Variants in RANBP17 observed in about 807,000 individuals in gnomAD.
RANBP17 encodes ran-binding protein 17.
A neutral mutation model predicts 141.2 loss-of-function variants in RANBP17; 158 were observed. The ratio of observed to expected loss-of-function variants is 1.12; its 90% CI spans 0.98 to 1.28. The LOEUF (loss-of-function observed/expected upper bound fraction) is 1.28, where lower values mean the gene tolerates loss of function less well. Ranked by LOEUF, RANBP17 falls within the 50% of genes most tolerant of loss-of-function variation. The pLI is 0.00. For missense variants in RANBP17, 1,438 were observed against 1,290.7 expected (o/e 1.11, Z -1.75); for synonymous variants, 430 against 450.0 (o/e 0.96, Z 0.56).
At chr5:170,910,097 G>T in intron 6 of RANBP17, 1 of 163,150 alleles carries the variant, frequency 6.1e-6, no homozygotes, top group Non-Finnish European at 1.3e-5. Flanking sequence ...ATAGGATGCA[G>T]ATGAAAAATG....
chr5:171,093,215 C>CAAAAA (rs5873253), intron 14 of RANBP17, among the ~76,000 whole-genome samples: 1,967 of 150,218 alleles, frequency 0.013, 28 homozygotes, highest in Admixed American at 0.025. Flanking sequence ...AGTCTCCCCC[C>CAAAAA]AAAAAAAAAA....
At chr5:170,935,295 CCTT>C (rs1342248984) in intron 12 of RANBP17, among the ~76,000 whole-genome samples, 5 of 152,222 alleles carry the variant, frequency 3.3e-5, no homozygotes, top group Admixed American at 1.3e-4. Context: ...TCGTCTGAAG[CCTT>C]CTTCTCTCGA....
At chr5:170,973,826 T>C (rs532649462) in intron 14 of RANBP17, among the ~76,000 whole-genome samples, 8 of 152,178 alleles carry the variant, frequency 5.3e-5, no homozygotes, top group Admixed American at 2.0e-4. Flanking sequence ...TGGTGCCGTC[T>C]CTCTGTGTGT....
rs544688062 is a variant in RANBP17 at position 170,939,181 on chromosome 5, C to T, written c.1469-14416C>T. 5.3e-5 allele frequency among the ~76,000 whole-genome samples: 8 copies of T among 151,998 alleles called. No homozygotes were observed. The South Asian group carries it at 6.2e-4, about 12-fold the overall frequency. On this transcript the variant is annotated intron_variant, in intron 12 of 27. Transcript: ENST00000523189. ...ATTGTATATCAGCAAAAATATCTTTCGAGAAAAACGATATACAATAGAGAT... is the reference window on the plus strand; with the variant it reads ...ATTGTATATCAGCAAAAATATCTTTTGAGAAAAACGATATACAATAGAGAT...
intron 24 of RANBP17, 56 bp from the exon 25 acceptor site, chr5:171,265,625 C>G: frequency 7.0e-7 from 1 of 1,423,186 alleles, no homozygotes; most frequent in Non-Finnish European, 9.5e-7. Context: ...GTTAGAAAAT[C>G]AAATGGAGCA....
intron 18 of RANBP17, among the ~76,000 whole-genome samples, chr5:171,193,262 G>A (rs1472992918): frequency 1.3e-5 from 2 of 152,156 alleles, no homozygotes; most frequent in African/African-American, 2.4e-5. Context: ...GAAATAAATT[G>A]AATATGTCTT....
At chr5:171,170,254 T>C (rs1385000317) in intron 15 of RANBP17, 51 bp downstream of exon 15, 7 of 925,658 alleles carry the variant, frequency 7.6e-6, no homozygotes, top group Non-Finnish European at 9.8e-6. Flanking sequence ...GTTTTAAATG[T>C]AATAGATCTT....
At chr5:171,280,290 TG>T (rs1374303568) in intron 25 of RANBP17, among the ~76,000 whole-genome samples, 1 of 152,196 alleles carries the variant, frequency 6.6e-6, no homozygotes, top group East Asian at 1.9e-4. Flanking sequence ...TTTTTGTTTT[TG>T]TTTTTAAATA....
chr5:171,098,922 G>A (rs1417432171), intron 14 of RANBP17, among the ~76,000 whole-genome samples: 1 of 152,114 alleles, frequency 6.6e-6, no homozygotes, highest in Non-Finnish European at 1.5e-5. Context: ...AAATCAGATG[G>A]TTGTAGATGT....
chr5:171,005,493 A>T (rs1779532208), intron 14 of RANBP17, among the ~76,000 whole-genome samples: 1 of 152,220 alleles, frequency 6.6e-6, no homozygotes, highest in East Asian at 1.9e-4. Context: ...AGAAATGGGA[A>T]AAGGATTCTC....
chr5:171,270,815 A>C (rs1221768263), intron 25 of RANBP17, among the ~76,000 whole-genome samples: 1 of 152,164 alleles, frequency 6.6e-6, no homozygotes, highest in South Asian at 2.1e-4. Flanking sequence ...TAATTGCTCT[A>C]GAAAGAGTAA....
Position 171,265,851 on chromosome 5 carries a change from A to T in RANBP17, c.2943+4A>T. The T allele has an allele frequency of 6.2e-7, 1 of 1,611,112 alleles. No homozygotes were observed. The highest frequency in any genetic ancestry group is 8.5e-7 in the Non-Finnish European group (1 of 1,178,642). The stretch of plus-strand genomic sequence containing the variant: ...AAACCCAGATGTCCTGCAGCAGGTA[A>T]CTGGTGGTTGATCACCTGGCTTAAG... On this transcript the variant is annotated splice_donor_region_variant and intron_variant, in intron 25 of 27. Coordinates refer to ENST00000523189, the MANE Select transcript of RANBP17 (RefSeq NM_022897.5).
intron 2 of RANBP17, among the ~76,000 whole-genome samples, chr5:170,878,975 T>C (rs1768423465): frequency 1.3e-5 from 2 of 152,162 alleles, no homozygotes; most frequent in Non-Finnish European, 2.9e-5. Context: ...AGATTCAAAA[T>C]ATAATAATCT....
intron 14 of RANBP17, among the ~76,000 whole-genome samples, chr5:171,105,968 A>G (rs897936988): frequency 5.3e-5 from 8 of 152,324 alleles, no homozygotes; most frequent in Admixed American, 4.6e-4. Context: ...ATTGATGTGC[A>G]CTGCAAGGGG....
intron 12 of RANBP17, among the ~76,000 whole-genome samples, chr5:170,938,647 CT>C (rs1015518054): frequency 3.2e-4 from 48 of 152,066 alleles, no homozygotes; most frequent in Non-Finnish European, 6.2e-4. Context: ...CCTGAAAAAA[CT>C]TTTTTTATTG....
chr5:171,257,743 T>G (rs1765996332), intron 24 of RANBP17, among the ~76,000 whole-genome samples: 1 of 152,056 alleles, frequency 6.6e-6, no homozygotes, highest in Non-Finnish European at 1.5e-5. Context: ...ATCAATAGTA[T>G]TTCTATATAC....
intron 25 of RANBP17, among the ~76,000 whole-genome samples, chr5:171,292,444 T>C (rs1561834785): frequency 1.3e-5 from 2 of 152,220 alleles, no homozygotes; most frequent in Non-Finnish European, 2.9e-5. Flanking sequence ...CTCCTTATAG[T>C]TAATGAAACT....
intron 1 of RANBP17, among the ~76,000 whole-genome samples, chr5:170,871,396 T>C (rs1433707586): frequency 6.6e-6 from 1 of 152,186 alleles, no homozygotes; most frequent in Non-Finnish European, 1.5e-5. Context: ...TTAAATTTGT[T>C]TAAGGTTCTA....
At chr5:170,923,927 C>T (rs1231191086) in intron 11 of RANBP17, among the ~76,000 whole-genome samples, 2 of 151,824 alleles carry the variant, frequency 1.3e-5, no homozygotes, top group African/African-American at 2.4e-5. Flanking sequence ...ATAATCATGC[C>T]ATCTTCAGAT....
Sources: allele counts gnomAD v4.1 joint callset (sites outside exome capture counted in the v4.1 genomes callset), GRCh38; gene constraint gnomAD v4.1.1; transcripts MANE v1.5; gene names NCBI Gene and HGNC (gene_info 2026-07-23, HGNC 2026-07-21).